Variants in PCSK5 observed in about 807,000 individuals in gnomAD.
PCSK5 encodes prohormone convertase 5.
In PCSK5, 129 loss-of-function variants were observed where a neutral mutation model predicts 233.2. That is an observed-to-expected ratio of 0.55 (90% confidence interval 0.48 to 0.64). The LOEUF (loss-of-function observed/expected upper bound fraction) is 0.64. Ranked by LOEUF, PCSK5 falls within the 30% of genes least tolerant of loss-of-function variation. PCSK5 has a pLI of 0.00. For synonymous variants in PCSK5, 825 were observed against 879.2 expected (o/e 0.94, Z 1.09); for missense variants, 2,076 against 2,430.1 (o/e 0.85, Z 3.06).
chr9:75,903,543 TATGTGC>T (rs1365682677), intron 1 of PCSK5, among the ~76,000 whole-genome samples: 1 of 129,050 alleles, frequency 7.7e-6, no homozygotes, highest in Non-Finnish European at 1.6e-5. Context: ...TCTGTATGTG[TATGTGC>T]ATGTGTGTAT....
At chr9:76,318,466 TA>T (rs5898471) in intron 30 of PCSK5, among the ~76,000 whole-genome samples, 6 of 146,118 alleles carry the variant, frequency 4.1e-5, no homozygotes, top group Middle Eastern at 3.5e-3. Flanking sequence ...ATTTAAAGTA[TA>T]AAAAAAAAAG....
chr9:76,079,626 A>G (rs1464831289), intron 7 of PCSK5, among the ~76,000 whole-genome samples: 1 of 152,096 alleles, frequency 6.6e-6, no homozygotes, highest in Non-Finnish European at 1.5e-5. Flanking sequence ...AAATAGTTTG[A>G]CTTCTTTTCC....
upstream of PCSK5, chr9:75,890,550 A>C (rs7853608): frequency 6.6e-6 from 1 of 152,176 alleles, no homozygotes; most frequent in Non-Finnish European, 1.5e-5. Flanking sequence ...GGACCTCGTC[A>C]GCGCCTGGCT....
At chr9:76,169,606 C>A in intron 12 of PCSK5, 98 bp from the exon 13 acceptor site, 1 of 1,149,586 alleles carries the variant, frequency 8.7e-7, no homozygotes, top group Non-Finnish European at 1.3e-6. Context: ...CCCAGCTGAA[C>A]TTGCTAATGG....
chr9:76,338,033 G>C (rs1242855109), intron 34 of PCSK5, among the ~76,000 whole-genome samples, 197 bp from the exon 35 acceptor site: 1 of 152,140 alleles, frequency 6.6e-6, no homozygotes, highest in Non-Finnish European at 1.5e-5. Context: ...TAGTAGGGGA[G>C]GGATTGGCCC....
chr9:76,082,621 G>T (rs1293724173), intron 7 of PCSK5, among the ~76,000 whole-genome samples: 1 of 151,770 alleles, frequency 6.6e-6, no homozygotes, highest in East Asian at 1.9e-4. Context: ...AGTCCCTTCA[G>T]TTTACACAAT....
In PCSK5 at chr9:76,332,591, C is replaced by G; in HGVS notation, c.4729C>G (p.Leu1577Val). 6.3e-7 allele frequency: 1 copy of G among 1,596,876 alleles called. No individual in the cohort carries two copies. Among genetic ancestry groups the G allele is most frequent in the Non-Finnish European group, 8.5e-7 (1 of 1,171,314 alleles). ...PGWFQLGKEC[L>V]LQCREGYYAD... ...CTGGTTCCAGCTAGGAAAAGAGTGC[C>G]TGCTCCAGTGCAGGGAAGGGTAAGT... Residue 1577 changes from leucine to valine, a missense_variant, in exon 34 of 38, where the codon CTG becomes GTG. Physicochemically the swap from Leu to Val is conservative, Grantham distance 32. This residue lies in a region of PCSK5 where 1,510 missense variants were observed against 1,538.1 expected (regional missense o/e 0.98). Transcript: ENST00000674117.
intron 20 of PCSK5, among the ~76,000 whole-genome samples, chr9:76,190,440 T>A (rs1363978664): frequency 6.6e-6 from 1 of 152,164 alleles, no homozygotes; most frequent in East Asian, 1.9e-4. Flanking sequence ...TGTATTTCTT[T>A]CCAGTTTTCA....
chr9:76,035,820 AAGAGGTAG>A (rs1343996018), intron 5 of PCSK5, among the ~76,000 whole-genome samples: 1 of 152,116 alleles, frequency 6.6e-6, no homozygotes, highest in Non-Finnish European at 1.5e-5. Context: ...AGAAATATGT[AAGAGGTAG>A]AGACTGAGGC....
At chr9:75,898,817 A>G (rs1825912173) in intron 1 of PCSK5, among the ~76,000 whole-genome samples, 2 of 152,226 alleles carry the variant, frequency 1.3e-5, no homozygotes, top group Admixed American at 1.3e-4. Flanking sequence ...TTCTACCAGC[A>G]CAAGTCTACC....
chr9:76,083,885 A>G (rs895674257), intron 7 of PCSK5, among the ~76,000 whole-genome samples: 1 of 152,242 alleles, frequency 6.6e-6, no homozygotes, highest in Non-Finnish European at 1.5e-5. Flanking sequence ...CAGGAGGGAT[A>G]TGTTTTTATC....
intron 1 of PCSK5, among the ~76,000 whole-genome samples, chr9:75,896,371 G>A (rs776036946): frequency 2.1e-4 from 32 of 152,094 alleles, no homozygotes; most frequent in Non-Finnish European, 4.0e-4. Flanking sequence ...TGTCTTTCAT[G>A]GGCTTACATC....
chr9:76,128,632 A>C (rs1041088044), intron 9 of PCSK5, among the ~76,000 whole-genome samples: 2 of 152,138 alleles, frequency 1.3e-5, no homozygotes, highest in African/African-American at 4.8e-5. Flanking sequence ...TTTCTTTATA[A>C]ATTAGGGGCT....
At chr9:75,937,690 G>A (rs1004323014) in intron 2 of PCSK5, among the ~76,000 whole-genome samples, 8 of 152,166 alleles carry the variant, frequency 5.3e-5, no homozygotes, top group African/African-American at 1.9e-4. Flanking sequence ...CATCTACATT[G>A]AACATCTGTT....
intron 2 of PCSK5, among the ~76,000 whole-genome samples, chr9:75,985,838 G>A (rs562444881): frequency 3.9e-4 from 60 of 152,254 alleles, no homozygotes; most frequent in Non-Finnish European, 5.6e-4. Context: ...TTACCAATTT[G>A]TAATAAATTG....
chr9:76,090,670 G>A (rs1002255054), intron 7 of PCSK5, among the ~76,000 whole-genome samples: 8 of 152,098 alleles, frequency 5.3e-5, no homozygotes, highest in Admixed American at 3.9e-4. Flanking sequence ...TTAAACCAGC[G>A]GTTCTCAACT....
intron 5 of PCSK5, among the ~76,000 whole-genome samples, chr9:76,065,658 A>T (rs1830260951): frequency 6.6e-6 from 1 of 152,226 alleles, no homozygotes; most frequent in South Asian, 2.1e-4. Flanking sequence ...TTAGCTTTAT[A>T]TAATTGCATG....
chr9:76,069,638 A>T (rs569140970), intron 6 of PCSK5, among the ~76,000 whole-genome samples: 1 of 152,316 alleles, frequency 6.6e-6, no homozygotes, highest in Admixed American at 6.5e-5. Context: ...TTTCTATTAG[A>T]AAATGAACAT....
intron 20 of PCSK5, chr9:76,193,303 G>A (rs983377967): frequency 3.1e-6 from 5 of 1,612,176 alleles, no homozygotes; most frequent in Non-Finnish European, 3.4e-6. Context: ...CTGTGCCAAC[G>A]GAAGGTTCTT....
Sources: allele counts gnomAD v4.1 joint callset (sites outside exome capture counted in the v4.1 genomes callset), GRCh38; gene constraint gnomAD v4.1.1; regional missense constraint gnomAD v4.1.1; transcripts MANE v1.5; gene names NCBI Gene and HGNC (gene_info 2026-07-23, HGNC 2026-07-21).